Variants in ANXA4 observed in about 807,000 individuals in gnomAD.
ANXA4 encodes annexin A4.
A neutral mutation model predicts 49.8 loss-of-function variants in ANXA4; 39 were observed. The ratio of observed to expected loss-of-function variants is 0.78; its 90% CI spans 0.61 to 1.02. The LOEUF (loss-of-function observed/expected upper bound fraction) is 1.02. ANXA4 is among the 50% of genes least tolerant of loss of function. The pLI, the probability that ANXA4 is intolerant of heterozygous loss-of-function variation, is 0.00. For missense variants in ANXA4, 360 were observed against 410.1 expected (o/e 0.88, Z 1.05); for synonymous variants, 134 against 152.5 (o/e 0.88, Z 0.89).
At chr2:69,658,010 T>G (rs1676569366) in intron 2 of ANXA4, among the ~76,000 whole-genome samples, 1 of 152,218 alleles carries the variant, frequency 6.6e-6, no homozygotes, top group South Asian at 2.1e-4. Context: ...TCCTGAAATA[T>G]ACGCAAAAAT....
chr2:69,649,514 G>A (rs1287941627), intron 1 of ANXA4, among the ~76,000 whole-genome samples: 1 of 148,470 alleles, frequency 6.7e-6, no homozygotes, highest in African/African-American at 2.5e-5. Context: ...GTGCTTTACT[G>A]TCAAATGTTT....
At chr2:69,728,955 C>T (rs1391907163) in intron 3 of ANXA4, among the ~76,000 whole-genome samples, 1 of 152,206 alleles carries the variant, frequency 6.6e-6, no homozygotes, top group Non-Finnish European at 1.5e-5. Context: ...GGGAGCATTA[C>T]ATATTTACCA....
intron 7 of ANXA4, among the ~76,000 whole-genome samples, chr2:69,811,985 C>A (rs1047598573): frequency 4.6e-5 from 7 of 152,096 alleles, no homozygotes; most frequent in African/African-American, 1.7e-4. Context: ...CATTTGTTAG[C>A]ATTCTTCAGA....
chr2:69,810,788 T>C (rs893176095), intron 7 of ANXA4, 115 bp downstream of exon 7: 2 of 792,968 alleles, frequency 2.5e-6, no homozygotes, highest in Non-Finnish European at 4.4e-6. Context: ...CAGGTAGTGT[T>C]CTCAGACCCC....
At chr2:69,725,282 TTTTA>T (rs747330335) in intron 3 of ANXA4, among the ~76,000 whole-genome samples, 32 of 151,582 alleles carry the variant, frequency 2.1e-4, no homozygotes, top group Admixed American at 1.1e-3. Flanking sequence ...TTCGGCATCT[TTTTA>T]TTTGAGGCAT....
chr2:69,706,753 C>T (rs1475339329), intron 2 of ANXA4, among the ~76,000 whole-genome samples: 1 of 152,156 alleles, frequency 6.6e-6, no homozygotes, highest in African/African-American at 2.4e-5. Flanking sequence ...TATACGTGAC[C>T]TTTTGTGTCT....
At chr2:69,672,888 A>G (rs1273965430) in intron 2 of ANXA4, among the ~76,000 whole-genome samples, 2 of 152,118 alleles carry the variant, frequency 1.3e-5, no homozygotes, top group African/African-American at 4.8e-5. Flanking sequence ...TATATAGTCA[A>G]TTAGTATACA....
intron 2 of ANXA4, among the ~76,000 whole-genome samples, chr2:69,706,855 T>C (rs1678517067): frequency 6.6e-6 from 1 of 152,236 alleles, no homozygotes; most frequent in Admixed American, 6.5e-5. Context: ...AATTTCTCAT[T>C]GTATGGATAG....
At chr2:69,750,604 G>A (rs1670799836) in intron 1 of ANXA4, among the ~76,000 whole-genome samples, 1 of 152,184 alleles carries the variant, frequency 6.6e-6, no homozygotes, top group South Asian at 2.1e-4. Context: ...TGTAGAGACA[G>A]AGTTTTACCA....
At chr2:69,758,828 C>A (rs1671160599) in intron 1 of ANXA4, among the ~76,000 whole-genome samples, 3 of 151,912 alleles carry the variant, frequency 2.0e-5, no homozygotes. Flanking sequence ...TAAGTATCTA[C>A]AAGGCTAATT....
chr2:69,676,335 G>C (rs1677412782), intron 2 of ANXA4, among the ~76,000 whole-genome samples: 2 of 152,152 alleles, frequency 1.3e-5, no homozygotes, highest in African/African-American at 4.8e-5. Flanking sequence ...GGGAGGCCCA[G>C]AATTGGTAAT....
intron 2 of ANXA4, among the ~76,000 whole-genome samples, chr2:69,669,865 C>T (rs1313164620): frequency 6.6e-6 from 1 of 152,124 alleles, no homozygotes; most frequent in Non-Finnish European, 1.5e-5. Context: ...CACCGCTACT[C>T]AAGATTGTAA....
intron 2 of ANXA4, among the ~76,000 whole-genome samples, chr2:69,707,808 A>G (rs1007686800): frequency 5.3e-5 from 8 of 152,206 alleles, no homozygotes; most frequent in Non-Finnish European, 1.0e-4. Flanking sequence ...CTGTCATGCT[A>G]TCAAATACTA....
chr2:69,793,395 T>C (rs1672784521), intron 3 of ANXA4, among the ~76,000 whole-genome samples: 1 of 152,180 alleles, frequency 6.6e-6, no homozygotes, highest in African/African-American at 2.4e-5. Flanking sequence ...AAGATTAAAG[T>C]CACATGAACT....
At chr2:69,756,319 A>G (rs894201301) in intron 1 of ANXA4, among the ~76,000 whole-genome samples, 1 of 152,204 alleles carries the variant, frequency 6.6e-6, no homozygotes, top group Non-Finnish European at 1.5e-5. Context: ...GGCTGAGTTT[A>G]GTAGCAGGGG....
chr2:69,823,314 C>T (rs1272936581), intron 12 of ANXA4, among the ~76,000 whole-genome samples: 2 of 150,716 alleles, frequency 1.3e-5, no homozygotes, highest in African/African-American at 2.4e-5. Context: ...ATACATTACT[C>T]ATTCAATAAT....
intron 1 of ANXA4, among the ~76,000 whole-genome samples, chr2:69,748,975 A>G (rs1003955569): frequency 2.0e-5 from 3 of 152,120 alleles, no homozygotes; most frequent in African/African-American, 4.8e-5. Flanking sequence ...AGCCTCCCCA[A>G]GTACTGGGAT....
chr2:69,785,551 T>TTGATGATGA (rs10689485), intron 2 of ANXA4, among the ~76,000 whole-genome samples: 11,352 of 150,828 alleles, frequency 0.075, 797 homozygotes, highest in African/African-American at 0.18. Context: ...GAAGTTCTCT[T>TTGATGATGA]TGATGATGAT....
intron 3 of ANXA4, among the ~76,000 whole-genome samples, chr2:69,722,743 C>T (rs987888926): frequency 1.7e-4 from 26 of 150,794 alleles, no homozygotes; most frequent in Non-Finnish European, 3.0e-4. Flanking sequence ...AATTTATGCA[C>T]GTCAAAATGT....
Sources: allele counts gnomAD v4.1 joint callset (sites outside exome capture counted in the v4.1 genomes callset), GRCh38; gene constraint gnomAD v4.1.1; transcripts MANE v1.5; gene names NCBI Gene and HGNC (gene_info 2026-07-23, HGNC 2026-07-21).